FANCB: variants seen among roughly 807,000 people sequenced by gnomAD.
FANCB encodes the protein Fanconi anemia group B protein.
A neutral mutation model predicts 38.9 loss-of-function variants in FANCB; 5 were observed. The observed-to-expected ratio is 0.13, with a 90% CI of 0.07 to 0.27. The LOEUF (loss-of-function observed/expected upper bound fraction) is 0.27, where lower values mean the gene tolerates loss of function less well. Among genes scored for constraint, FANCB ranks in the 10% least tolerant of loss-of-function variants. The probability of loss-of-function intolerance (pLI) is 1.00; values close to 1 mark genes in which losing one functional copy is unlikely to be tolerated. For missense variants in FANCB, 573 were observed against 602.7 expected (o/e 0.95, Z 0.52); for synonymous variants, 236 against 215.4 (o/e 1.10, Z -0.84).
chrX:14,773,529 GA>G, the FANCB span, among the ~76,000 whole-genome samples: 1 of 111,810 alleles, frequency 8.9e-6, no homozygotes, highest in Non-Finnish European at 1.9e-5. Flanking sequence ...AAAAAGGAGA[GA>G]GAAATACAGG....
chrX:14,711,272 G>C, the FANCB span, among the ~76,000 whole-genome samples: 1 of 112,293 alleles, frequency 8.9e-6, no homozygotes, highest in Non-Finnish European at 1.9e-5. Flanking sequence ...TTCTCAATCT[G>C]TCCTGTTTGT....
chrX:14,720,373 T>C, the FANCB span, among the ~76,000 whole-genome samples: 2 of 112,105 alleles, frequency 1.8e-5, no homozygotes, highest in South Asian at 3.7e-4. Flanking sequence ...GATCTCATCA[T>C]GTAAGTCAAA....
intron 5 of FANCB, 143 bp downstream of exon 5, chrX:14,857,719 T>C: frequency 2.0e-6 from 1 of 503,186 alleles, no homozygotes; most frequent in South Asian, 2.8e-5. Context: ...TGTACAGAGG[T>C]GCCAAAAAGA....
chrX:14,862,543 G>A (rs1050098703), intron 3 of FANCB, among the ~76,000 whole-genome samples: 1 of 111,830 alleles, frequency 8.9e-6, no homozygotes, highest in Non-Finnish European at 1.9e-5. Flanking sequence ...TCAAGAGAGT[G>A]ACGATTGCAA....
chrX:14,840,991 A>G (rs1315147976), downstream of FANCB, among the ~76,000 whole-genome samples: 1 of 112,441 alleles, frequency 8.9e-6, no homozygotes, highest in African/African-American at 3.2e-5. Context: ...GAAAGTGACC[A>G]GACCATTAGC....
Position 14,843,603 on chromosome X carries a change from T to C in FANCB, c.2544A>G (p.Lys848=), listed in dbSNP as rs1194741935. The C allele has an allele frequency of 8.3e-7, 1 of 1,204,112 alleles. No homozygotes were observed. Among genetic ancestry groups the C allele is most frequent in the African/African-American group, 1.7e-5 (1 of 57,589 alleles). ...ITLKVAEVQL[K]SDFAAQKLSN... is the part of the protein sequence containing the mutation. ...TCAGTTTCTGTGCAGCAAAGTCTGA[T>C]TTCAACTGAACCTCAGCTACTTTCA... is the stretch of plus-strand genomic sequence containing the variant. The change falls in exon 10 of 10, where the codon AAA becomes AAG. Residue 848 remains lysine (K), a synonymous_variant. Transcript: ENST00000650831.
At chrX:14,704,983 CA>C in the FANCB span, among the ~76,000 whole-genome samples, 10 of 111,962 alleles carry the variant, frequency 8.9e-5, no homozygotes, top group Non-Finnish European at 1.7e-4. Context: ...AGTGTACTTC[CA>C]GCTCTTAAGG....
chrX:14,774,186 T>C, the FANCB span, among the ~76,000 whole-genome samples: 2 of 112,243 alleles, frequency 1.8e-5, no homozygotes, highest in Non-Finnish European at 3.8e-5. Flanking sequence ...CATTTTTGTC[T>C]AGAACCAGTC....
At chrX:14,842,185 T>C (rs1435071437), downstream of FANCB, among the ~76,000 whole-genome samples, 2 of 112,035 alleles carry the variant, frequency 1.8e-5, no homozygotes, top group Non-Finnish European at 3.8e-5. Flanking sequence ...TATTTTCCAT[T>C]GACATTTCAT....
chrX:14,722,672 A>G, the FANCB span, among the ~76,000 whole-genome samples: 1 of 111,837 alleles, frequency 8.9e-6, no homozygotes, highest in Non-Finnish European at 1.9e-5. Flanking sequence ...GACATATGGA[A>G]GCATGCAGAG....
At chrX:14,814,444 T>C in the FANCB span, among the ~76,000 whole-genome samples, 2 of 111,843 alleles carry the variant, frequency 1.8e-5, no homozygotes, top group Non-Finnish European at 3.8e-5. Context: ...AGGGCTAATA[T>C]CCAGAATCTA....
chrX:14,786,239 T>C, the FANCB span, among the ~76,000 whole-genome samples: 1 of 111,604 alleles, frequency 9.0e-6, no homozygotes, highest in South Asian at 3.8e-4. Flanking sequence ...GGAACTCTGC[T>C]GAGAGCTGTC....
chrX:14,731,335 A>ATATT, the FANCB span: 1 of 112,193 alleles, frequency 8.9e-6, no homozygotes, highest in Non-Finnish European at 1.9e-5. Context: ...CATTATATAT[A>ATATT]TATTTTTGCT....
In FANCB at chrX:14,844,687, G is replaced by C. The variant is rs1569083340; in HGVS notation, c.1981C>G (p.Gln661Glu). The C allele has an allele frequency of 2.5e-6, 3 of 1,211,072 alleles. No individual in the cohort carries two copies. In the East Asian group the frequency reaches 8.9e-5, roughly 36 times the overall value. ...AGGGCATAGCCGGGTGATGTGATTT[G>C]AAAACAAGATTTATGGAATGCTGCA... is the stretch of plus-strand genomic sequence containing the variant. ...LLAAFHKSCF[Q>E]ITSPGYALNS... Residue 661 changes from glutamine to glutamate, a missense_variant, in exon 9 of 10, where the codon CAA becomes GAA. Gln to Glu is a conservative substitution (Grantham distance 29, BLOSUM62 2). Transcript: ENST00000650831.
chrX:14,782,603 C>A, the FANCB span, among the ~76,000 whole-genome samples: 1 of 111,648 alleles, frequency 9.0e-6, no homozygotes, highest in Admixed American at 9.5e-5. Context: ...GGACAGTGTC[C>A]TTTCTTCCTA....
the FANCB span, among the ~76,000 whole-genome samples, chrX:14,783,110 C>T: frequency 8.9e-6 from 1 of 111,940 alleles, no homozygotes; most frequent in Non-Finnish European, 1.9e-5. Context: ...TCTAAATTTT[C>T]ACCTCAAGGC....
At chrX:14,717,367 TATC>T in the FANCB span, among the ~76,000 whole-genome samples, 1 of 109,312 alleles carries the variant, frequency 9.1e-6, no homozygotes, top group African/African-American at 3.3e-5. Context: ...AAAAAGTAGA[TATC>T]AAGTCCTTTA....
rs771278010 is a variant in FANCB at position 14,843,572 on chromosome X, A to G, written c.2575T>C (p.Leu859=). The G allele has an allele frequency of 5.2e-6, 6 of 1,156,284 alleles. No homozygotes were observed. In the Admixed American group the frequency reaches 1.1e-4, roughly 22 times the overall value. The stretch of plus-strand genomic sequence containing the variant: ...TGATCAAATTGAAATTATAATTATA[A>G]ATTACTCAGTTTCTGTGCAGCAAAG... ...SDFAAQKLSN[L] Residue 859 remains leucine, a synonymous_variant, in exon 10 of 10, where the codon TTA becomes CTA. Transcript: ENST00000650831.
downstream of FANCB, among the ~76,000 whole-genome samples, chrX:14,833,863 G>A (rs1348128489): frequency 9.0e-6 from 1 of 111,631 alleles, no homozygotes; most frequent in Non-Finnish European, 1.9e-5. Context: ...GTGTGGTGGT[G>A]GGCACATGTG....
Sources: gnomAD v4.1 joint callset for allele counts (sites outside exome capture counted in the v4.1 genomes callset) on GRCh38, gnomAD v4.1.1 for gene constraint, MANE v1.5 for transcripts, NCBI Gene and HGNC (gene_info 2026-07-23, HGNC 2026-07-21) for gene names.